The following EHMT1 variants were observed in gnomAD, a reference collection of about 807,000 sequenced individuals.
EHMT1 encodes the protein euchromatic histone lysine methyltransferase 1, also known as histone-lysine N-methyltransferase EHMT1.
In EHMT1, 15 loss-of-function variants were observed where a neutral mutation model predicts 147.2. The ratio of observed to expected loss-of-function variants is 0.10; its 90% CI spans 0.07 to 0.16. The LOEUF (loss-of-function observed/expected upper bound fraction) is 0.16. EHMT1 is among the 10% of genes least tolerant of loss of function. EHMT1 has a pLI of 1.00. For missense variants in EHMT1, 1,587 were observed against 1,772.4 expected, an observed-to-expected ratio of 0.90 and a Z score of 1.88; for synonymous variants, 795 against 709.6, an observed-to-expected ratio of 1.12 and a Z score of -1.91.
chr9:137,622,375 C>G (rs1169572651), intron 1 of EHMT1, among the ~76,000 whole-genome samples: 3 of 152,070 alleles, frequency 2.0e-5, no homozygotes, highest in Non-Finnish European at 4.4e-5. Flanking sequence ...CTGCCTTGGC[C>G]TCCTAAAGTG....
At chr9:137,740,965 G>GCC (rs1948005618) in intron 4 of EHMT1, among the ~76,000 whole-genome samples, 1 of 144,522 alleles carries the variant, frequency 6.9e-6, no homozygotes, top group South Asian at 2.1e-4. Context: ...ACTGCACTGG[G>GCC]CCCCGACATG....
At chr9:137,794,654 A>G (rs916378956) in intron 16 of EHMT1, among the ~76,000 whole-genome samples, 14 of 148,814 alleles carry the variant, frequency 9.4e-5, no homozygotes, top group African/African-American at 3.6e-4. Flanking sequence ...CTCTAAGAAA[A>G]AAAAAAAAAA....
intron 7 of EHMT1, 141 bp downstream of exon 7, chr9:137,752,549 C>T (rs1949051802): frequency 1.1e-6 from 1 of 944,770 alleles, no homozygotes; most frequent in African/African-American, 1.6e-5. Context: ...GTGATGGCCA[C>T]AGATGGGTCC....
At chr9:137,799,015 C>T in intron 17 of EHMT1, 101 bp downstream of exon 17, 1 of 971,488 alleles carries the variant, frequency 1.0e-6, no homozygotes, top group Non-Finnish European at 1.6e-6. Flanking sequence ...CATGGCGTCC[C>T]CTCCCACGCA....
intron 4 of EHMT1, among the ~76,000 whole-genome samples, chr9:137,729,443 C>A (rs549796169): frequency 6.6e-6 from 1 of 152,122 alleles, no homozygotes; most frequent in East Asian, 1.9e-4. Flanking sequence ...AAAAATTAGC[C>A]GGGCATGGTG....
At chr9:137,645,683 G>A (rs1844834029) in intron 1 of EHMT1, among the ~76,000 whole-genome samples, 1 of 152,104 alleles carries the variant, frequency 6.6e-6, no homozygotes, top group East Asian at 1.9e-4. Flanking sequence ...ATTCCAAATG[G>A]AATCTTAGAG....
chr9:137,831,400 C>T (rs946324574), intron 25 of EHMT1, among the ~76,000 whole-genome samples: 1 of 152,218 alleles, frequency 6.6e-6, no homozygotes, highest in African/African-American at 2.4e-5. Flanking sequence ...CTTTTTGGGG[C>T]ATTCAGGTTG....
chr9:137,729,726 T>G (rs1214632062), intron 4 of EHMT1, among the ~76,000 whole-genome samples: 1 of 152,148 alleles, frequency 6.6e-6, no homozygotes, highest in Admixed American at 6.6e-5. Flanking sequence ...ATGTATTACT[T>G]TTTTTTCTGA....
intron 14 of EHMT1, among the ~76,000 whole-genome samples, chr9:137,781,284 CTGAGATGTGTGGTGA>C (rs1951505460): frequency 8.0e-6 from 1 of 125,136 alleles, no homozygotes; most frequent in South Asian, 2.6e-4. Flanking sequence ...GGTGATGACG[CTGAGATGTGTGGTGA>C]TGACGGCATC....
Position 137,813,515 on chromosome 9 carries a change from T to C in EHMT1, c.3165T>C (p.Asn1055=). 1.7e-5 allele frequency: 27 copies of C among 1,613,922 alleles called. No homozygotes were observed. Among genetic ancestry groups the C allele is most frequent in the Non-Finnish European group, 2.3e-5 (27 of 1,180,008 alleles). The stretch of plus-strand genomic sequence containing the variant: ...CGTCCCCCATGAACATCGACAGAAA[T>C]ATCACTCATCTGCAGGTGAGTGACG... ...CVTSPMNIDR[N]ITHLQYCVCI... Residue 1055 remains asparagine, a synonymous_variant, in exon 21 of 27, where the codon AAT becomes AAC. Coordinates refer to ENST00000460843, the MANE Select transcript of EHMT1 (RefSeq NM_024757.5). The surrounding 1 kb of genome is among the most constrained non-coding windows in gnomAD (Gnocchi z 4.9).
intron 23 of EHMT1, 113 bp downstream of exon 23, chr9:137,816,175 T>C: frequency 1.1e-6 from 1 of 945,440 alleles, no homozygotes; most frequent in Non-Finnish European, 1.7e-6. Flanking sequence ...CGCACATGTG[T>C]GTTTGCAGAT....
intron 1 of EHMT1, among the ~76,000 whole-genome samples, chr9:137,631,133 C>T (rs138711982): frequency 1.1e-4 from 17 of 152,182 alleles, no homozygotes; most frequent in African/African-American, 4.1e-4. Flanking sequence ...GCCTGTAATC[C>T]CACCACTTTG....
intron 1 of EHMT1, among the ~76,000 whole-genome samples, chr9:137,706,295 TC>T (rs1944269361): frequency 6.6e-6 from 1 of 152,212 alleles, no homozygotes; most frequent in African/African-American, 2.4e-5. Context: ...GGGGTCTGAG[TC>T]CAAGTAGTTT....
At chr9:137,796,197 C>T (rs762285859) in intron 16 of EHMT1, among the ~76,000 whole-genome samples, 1 of 152,206 alleles carries the variant, frequency 6.6e-6, no homozygotes, top group Non-Finnish European at 1.5e-5. Context: ...ATTACGAAGC[C>T]TGGAAGACCA....
At chr9:137,781,287 A>ACGTGTGGTGATGACGCTGG (rs1951506522) in intron 14 of EHMT1, among the ~76,000 whole-genome samples, 1 of 87,658 alleles carries the variant, frequency 1.1e-5, no homozygotes, top group African/African-American at 3.8e-5. Context: ...GATGACGCTG[A>ACGTGTGGTGATGACGCTGG]GATGTGTGGT....
Position 137,716,739 on chromosome 9 carries a change from G to T in EHMT1, c.199G>T (p.Ala67Ser). The change falls in exon 3 of 27, where the codon GCA becomes TCA. Residue 67 changes from alanine to serine, a missense_variant. This residue lies in a region of EHMT1 where 810 missense variants were observed against 673.0 expected (regional missense o/e 1.20). Transcript: ENST00000460843. ...SCENSDASSH[A>S]NAAKHTQDSA... ...TGAAAACAGCGATGCCAGCAGTCAT[G>T]CAAATGCTGCAAAGCACACTCAGGA... is the stretch of plus-strand genomic sequence containing the variant. 1 of 1,612,684 alleles carries T rather than the reference G, an allele frequency of 6.2e-7. No individual in the cohort carries two copies. The highest frequency in any genetic ancestry group is 2.2e-5 in the East Asian group (1 of 44,882).
intron 4 of EHMT1, among the ~76,000 whole-genome samples, chr9:137,741,117 C>T (rs760630655): frequency 6.6e-6 from 1 of 152,132 alleles, no homozygotes; most frequent in Non-Finnish European, 1.5e-5. Flanking sequence ...GCTGGGACTA[C>T]AGGCGCCCGC....
rs915813950 is a variant in EHMT1, at chr9:137,718,759, T to C, written c.642+1577T>C. On this transcript the variant is annotated intron_variant, in intron 3 of 26. Transcript: ENST00000460843. ...TTCTCTCTCTTTTTCTTTTTCTTTT[T>C]CTTTTTTTTTTTTTGAGACGGAGTC... 1.1e-3 allele frequency among the ~76,000 whole-genome samples: 168 copies of C among 149,950 alleles called. 2 individuals carry two copies. The highest frequency in any genetic ancestry group is 3.8e-3 in the African/African-American group (153 of 39,992).
At chr9:137,741,264 C>T (rs1564670854) in intron 4 of EHMT1, among the ~76,000 whole-genome samples, 1 of 152,176 alleles carries the variant, frequency 6.6e-6, no homozygotes, top group Non-Finnish European at 1.5e-5. Flanking sequence ...TAGGTGTGAG[C>T]CACTGCGCCC....
Sources: gnomAD v4.1 joint callset for allele counts (sites outside exome capture counted in the v4.1 genomes callset) on GRCh38, gnomAD v4.1.1 for gene constraint, gnomAD v4.1.1 regional missense constraint, Gnocchi (gnomAD v3.1) non-coding constraint, MANE v1.5 for transcripts, NCBI Gene and HGNC (gene_info 2026-07-23, HGNC 2026-07-21) for gene names.